MATK: variants seen among roughly 807,000 people sequenced by gnomAD.
MATK encodes the protein megakaryocyte-associated tyrosine kinase.
A neutral mutation model predicts 59.8 loss-of-function variants in MATK; 41 were observed. The observed-to-expected ratio is 0.69, with a 90% CI of 0.53 to 0.89. The LOEUF (loss-of-function observed/expected upper bound fraction) is 0.89. Among genes scored for constraint, MATK ranks in the 40% least tolerant of loss-of-function variants. The pLI is 0.00. For missense variants in MATK, 593 were observed against 719.6 expected, an observed-to-expected ratio of 0.82 and a Z score of 2.01; for synonymous variants, 308 against 306.1, an observed-to-expected ratio of 1.01 and a Z score of -0.06.
rs918120089 is a variant in MATK at position 3,779,167 on chromosome 19, T to C, written c.1022A>G (p.Glu341Gly). The part of the protein sequence containing the change: ...QFSLHVAEGM[E>G]YLESKKLVHR... ...CACAAGCTTCTTGCTCTCCAGGTAC[T>C]CCATGCCCTCGGCCACGTGCCTGGG... The change falls in exon 12 of 14, where the codon GAG (glutamate) becomes GGG (glycine). Residue 341 changes from glutamate (E) to glycine (G), a missense_variant. By Grantham distance (98) the Glu-to-Gly change is moderately conservative. Coordinates refer to ENST00000310132, the MANE Select transcript of MATK (RefSeq NM_139355.3). 6.3e-6 allele frequency: 10 copies of C among 1,596,612 alleles called. No homozygotes were observed. The highest frequency in any genetic ancestry group is 1.1e-5 in the South Asian group (1 of 89,938).
chr19:3,783,000 C>T, intron 7 of MATK, 126 bp downstream of exon 7: 1 of 810,378 alleles, frequency 1.2e-6, no homozygotes, highest in Admixed American at 2.1e-5. Context: ...GTCTTCTATC[C>T]CATAGCTGGG....
chr19:3,786,267 T>C lies in MATK; in HGVS notation c.-250A>G. 2.0e-6 allele frequency: 2 copies of C among 985,054 alleles called. No homozygotes were observed. The highest frequency in any genetic ancestry group is 2.4e-6 in the Non-Finnish European group (2 of 829,814). The allele number at this position is 985,054 out of a possible 1,614,324, so 61.0% of individuals were successfully genotyped here. A position where few individuals can be genotyped will look rare whatever the true frequency, so the allele number is the denominator to read the frequency against. Reference sequence around the variant, plus strand: ...CCGAGGCGGTCCCGGCTGCACAACTTGGAGCGAGTTGCTCCGTTTCCTCAT... The same window carrying C: ...CCGAGGCGGTCCCGGCTGCACAACTCGGAGCGAGTTGCTCCGTTTCCTCAT... On this transcript the variant is annotated 5_prime_UTR_variant, in exon 1 of 14. Coordinates refer to ENST00000310132, the MANE Select transcript of MATK (RefSeq NM_139355.3). This position sits in a 1 kb window ranked among gnomAD's most constrained non-coding sequence, Gnocchi z 4.1.
At chr19:3,797,082 C>G (rs185425361) in intron 1 of MATK, among the ~76,000 whole-genome samples, 21 of 152,156 alleles carry the variant, frequency 1.4e-4, no homozygotes, top group African/African-American at 5.1e-4. Context: ...ACTTGGTGGG[C>G]TCTTTCCTGT....
chr19:3,779,285 C>T (rs1713065431), intron 11 of MATK, 93 bp downstream of exon 11: 2 of 1,564,264 alleles, frequency 1.3e-6, no homozygotes, highest in South Asian at 1.1e-5. Context: ...CTCACAAAGC[C>T]TCCCTGCCCC....
At chr19:3,795,220 G>A (rs1047045373) in intron 1 of MATK, among the ~76,000 whole-genome samples, 3 of 148,622 alleles carry the variant, frequency 2.0e-5, no homozygotes, top group Non-Finnish European at 3.0e-5. Flanking sequence ...CTCGTGATCC[G>A]CCCACCTCGG....
rs1489643614 is a variant in MATK at position 3,779,042 on chromosome 19, A to G, written c.1147T>C (p.Ser383Pro). The change falls in exon 12 of 14, where the codon TCA becomes CCA. Residue 383 changes from serine to proline, a missense_variant. Physicochemically the swap from Ser to Pro is moderately conservative, Grantham distance 74 (BLOSUM62 -1). Coordinates refer to ENST00000310132, the MANE Select transcript of MATK (RefSeq NM_139355.3). ...GTCCACTTGACGGGCAGCCGGCTTG[A>G]GTCTAGCCCCTTCCGCTCGGCTTTG... ...LAKAERKGLD[S>P]SRLPVKWTAP... The G allele has an allele frequency of 2.5e-6, 4 of 1,593,134 alleles. No homozygotes were observed. Among genetic ancestry groups the G allele is most frequent in the Non-Finnish European group, 2.6e-6 (3 of 1,171,012 alleles).
chr19:3,800,460 A>T (rs1234492542), intron 1 of MATK, among the ~76,000 whole-genome samples: 1 of 152,082 alleles, frequency 6.6e-6, no homozygotes, highest in East Asian at 1.9e-4. Context: ...AGCCTGACCA[A>T]CGTGGTGAAA....
In MATK at chr19:3,786,203, C is replaced by T. The variant is rs2037481673; in HGVS notation, c.-186G>A. The T allele has an allele frequency of 9.1e-6, 9 of 984,006 alleles. No individual in the cohort carries two copies. The highest frequency in any genetic ancestry group is 1.1e-5 in the Non-Finnish European group (9 of 828,774). The allele number at this position is 984,006 out of a possible 1,614,324, so 61.0% of individuals were successfully genotyped here. ...GGGCGCCCCCGAGCCGCGCCCCGCGCCCGCCCCCAGGAGGGCCTCCGCGAG... is the reference window on the plus strand; with the variant it reads ...GGGCGCCCCCGAGCCGCGCCCCGCGTCCGCCCCCAGGAGGGCCTCCGCGAG... On this transcript the variant is annotated 5_prime_UTR_variant, in exon 1 of 14. Transcript: ENST00000310132. The surrounding 1 kb of genome is among the most constrained non-coding windows in gnomAD (Gnocchi z 4.1).
At chr19:3,793,377 C>T (rs1302178312) in intron 1 of MATK, 1 of 151,762 alleles carries the variant, frequency 6.6e-6, no homozygotes, top group African/African-American at 2.4e-5. Flanking sequence ...ACCAGTCTGA[C>T]CAACATGGTG....
At chr19:3,781,179 C>G (rs2037396419) in intron 8 of MATK, among the ~76,000 whole-genome samples, 1 of 152,196 alleles carries the variant, frequency 6.6e-6, no homozygotes, top group South Asian at 2.1e-4. Flanking sequence ...CGCTTTCACT[C>G]CACAAGGGCA....
In MATK at chr19:3,795,751, CTTTTTTT is replaced by C. The variant is rs530367941; in HGVS notation, c.-58+5774_-58+5780del. Among the ~76,000 whole-genome samples, 6 of 54,784 alleles carry C rather than the reference CTTTTTTT, an allele frequency of 1.1e-4. No homozygotes were observed. In the East Asian group the frequency reaches 1.1e-3, roughly 10 times the overall value. 35.9% of individuals were successfully genotyped at this position (54,784 alleles called of 152,430 possible). On this transcript the variant is annotated intron_variant, in intron 1 of 13. Coordinates refer to the MATK transcript ENST00000395045. The stretch of plus-strand genomic sequence containing the variant: ...GTCTTTATTTTCTCATAAGTAGGTG[CTTTTTTT>C]TTTTTTTTTTTTTTTTTTTTTGAGA...
chr19:3,795,890 T>C (rs947266153), intron 1 of MATK, among the ~76,000 whole-genome samples: 7 of 150,536 alleles, frequency 4.7e-5, no homozygotes, highest in African/African-American at 1.7e-4. Flanking sequence ...GCCTCTTGAA[T>C]AGCTAGGATT....
Position 3,778,060 on chromosome 19 carries a change from C to T in MATK, c.*123G>A. 7.2e-7 allele frequency: 1 copy of T among 1,396,640 alleles called. No individual in the cohort carries two copies. Among genetic ancestry groups the T allele is most frequent in the Non-Finnish European group, 9.4e-7 (1 of 1,059,272 alleles). 86.5% of individuals were successfully genotyped at this position (1,396,640 alleles called of 1,614,324 possible). ...CCCAGAGCCCCCTACGTGGGCCAGC[C>T]CCTGCTGTGGGCACCAGGAGGATGA... On this transcript the variant is annotated 3_prime_UTR_variant, in exon 14 of 14. Coordinates refer to ENST00000310132, the MANE Select transcript of MATK (RefSeq NM_139355.3).
rs781021422 is a variant in MATK, at chr19:3,785,123, C to T, written c.13G>A (p.Gly5Ser). Residue 5 changes from glycine to serine, a missense_variant, in exon 2 of 14, where the codon GGC becomes AGC. Gly to Ser is a moderately conservative substitution (Grantham distance 56). Coordinates refer to ENST00000310132, the MANE Select transcript of MATK (RefSeq NM_139355.3). The stretch of plus-strand genomic sequence containing the variant: ...AATGCCCGCCAGGAAACCAGAGAGC[C>T]TCGCCCCGCCATCGCCCCCAGAGGG... Reference protein sequence around the residue: MAGRGSLVSWRAFHG... With the variant: MAGRSSLVSWRAFHG... 2.5e-6 allele frequency: 4 copies of T among 1,614,108 alleles called. No individual in the cohort carries two copies. Among genetic ancestry groups the T allele is most frequent in the Admixed American group, 3.3e-5 (2 of 60,018 alleles).
chr19:3,779,291 G>T, intron 11 of MATK, 87 bp downstream of exon 11: 1 of 1,569,664 alleles, frequency 6.4e-7, no homozygotes, highest in Non-Finnish European at 8.7e-7. Flanking sequence ...AAGCCTCCCT[G>T]CCCCGTGCCT....
intron 8 of MATK, 41 bp from the exon 9 acceptor site, chr19:3,779,838 C>G (rs375568825): frequency 8.1e-7 from 1 of 1,227,938 alleles, no homozygotes; most frequent in Non-Finnish European, 1.2e-6. Context: ...ATCAGGACCC[C>G]CAACAAACAG....
rs141656744 is a variant in MATK, at chr19:3,778,725, G to A, written c.1198-130C>T. ...TCTCCTAATTGAGTCCTCCCCCAAC[G>A]CCGCCCGCAGTTGAGTCTAGCTCAG... is the stretch of plus-strand genomic sequence containing the variant. On this transcript the variant is annotated intron_variant, in intron 12 of 13. Coordinates refer to ENST00000310132, the MANE Select transcript of MATK (RefSeq NM_139355.3). The A allele has an allele frequency of 3.0e-3, 3,094 of 1,042,416 alleles. 20 individuals carry two copies. Among genetic ancestry groups the A allele is most frequent in the Non-Finnish European group, 3.9e-3 (2,772 of 706,686 alleles). 64.6% of individuals were successfully genotyped at this position (1,042,416 alleles called of 1,614,324 possible).
intron 1 of MATK, among the ~76,000 whole-genome samples, chr19:3,796,117 A>T (rs950822105): frequency 1.3e-5 from 2 of 152,204 alleles, no homozygotes. Flanking sequence ...AGCTCTCAAG[A>T]AGTGTTTAAA....
At chr19:3,789,995 G>A (rs1420609534), upstream of MATK, among the ~76,000 whole-genome samples, 4 of 150,924 alleles carry the variant, frequency 2.7e-5, no homozygotes, top group African/African-American at 7.3e-5. Context: ...TCCATCTCCC[G>A]GGTTCAAGTG....
Sources: gnomAD v4.1 joint callset for allele counts (sites outside exome capture counted in the v4.1 genomes callset) on GRCh38, gnomAD v4.1.1 for gene constraint, Gnocchi (gnomAD v3.1) non-coding constraint, MANE v1.5 for transcripts, NCBI Gene and HGNC (gene_info 2026-07-23, HGNC 2026-07-21) for gene names.